MARK3: variants seen among roughly 807,000 people sequenced by gnomAD.
MARK3 encodes microtubule affinity regulating kinase 3, also known as MAP/microtubule affinity-regulating kinase 3.
MARK3 carries 46 observed loss-of-function variants against 90.1 expected under a neutral mutation model. The observed-to-expected ratio is 0.51, with a 90% CI of 0.40 to 0.65. The LOEUF (loss-of-function observed/expected upper bound fraction) is 0.65, where lower values mean the gene tolerates loss of function less well. Ranked by LOEUF, MARK3 falls within the 30% of genes least tolerant of loss-of-function variation. The probability of loss-of-function intolerance (pLI) is 0.00; values close to 1 mark genes in which losing one functional copy is unlikely to be tolerated. For synonymous variants in MARK3, 321 were observed against 332.6 expected (o/e 0.97, Z 0.38); for missense variants, 818 against 947.2 (o/e 0.86, Z 1.79).
At chr14:103,395,161 A>G (rs2090500891) in intron 1 of MARK3, among the ~76,000 whole-genome samples, 1 of 152,196 alleles carries the variant, frequency 6.6e-6, no homozygotes, top group African/African-American at 2.4e-5. Context: ...TGAGAGTCTA[A>G]GACTGATCGA....
intron 11 of MARK3, 125 bp from the exon 12 acceptor site, chr14:103,467,908 T>C (rs542112474): frequency 1.1e-6 from 1 of 904,756 alleles, no homozygotes; most frequent in South Asian, 2.1e-5. Context: ...TTTTTGTACG[T>C]TGTGATTCCT....
intron 3 of MARK3, among the ~76,000 whole-genome samples, chr14:103,442,975 G>A (rs34748852): frequency 1.4e-5 from 2 of 144,378 alleles, no homozygotes; most frequent in African/African-American, 2.7e-5. Flanking sequence ...GAAGTGAGAA[G>A]AGAGGCAATG....
chr14:103,421,942 T>G (rs936291432), intron 2 of MARK3, among the ~76,000 whole-genome samples: 1 of 152,142 alleles, frequency 6.6e-6, no homozygotes, highest in Non-Finnish European at 1.5e-5. Flanking sequence ...GTTTAAAGAG[T>G]CAAGACTTGT....
intron 11 of MARK3, chr14:103,467,764 C>T (rs923128509): frequency 2.6e-5 from 6 of 227,782 alleles, no homozygotes; most frequent in East Asian, 1.0e-4. Flanking sequence ...TTAGAAATGA[C>T]GTAAAGCATC....
intron 2 of MARK3, among the ~76,000 whole-genome samples, chr14:103,423,932 G>A (rs1029405112): frequency 2.0e-5 from 3 of 152,218 alleles, no homozygotes; most frequent in Non-Finnish European, 4.4e-5. Flanking sequence ...CAGTCCGGGC[G>A]CGATGGCTCA....
chr14:103,426,891 TAAA>T (rs59517015), intron 2 of MARK3, among the ~76,000 whole-genome samples: 41,355 of 149,296 alleles, frequency 0.28, 6,667 homozygotes, highest in Non-Finnish European at 0.35. Context: ...CTTTTCTATT[TAAA>T]AAAAAAAAAA....
At chr14:103,434,269 G>T (rs991321347) in intron 3 of MARK3, among the ~76,000 whole-genome samples, 1 of 152,150 alleles carries the variant, frequency 6.6e-6, no homozygotes, top group African/African-American at 2.4e-5. Flanking sequence ...TAACCAAGTT[G>T]TCCGCTCTAC....
rs145072865 is a variant in MARK3 at position 103,471,505 on chromosome 14, C to CT, written c.1264+3324dup. On this transcript the variant is annotated intron_variant, in intron 12 of 17. Transcript: ENST00000429436. The stretch of plus-strand genomic sequence containing the variant: ...CCACTGAAGCACCTCATTGGAGTAG[C>CT]TTTTTCATAATCCTCATCTTTCTTG... Among the ~76,000 whole-genome samples the CT allele has an allele frequency of 5.4e-3, 820 of 152,306 alleles. 5 individuals carry two copies. The highest frequency in any genetic ancestry group is 0.019 in the African/African-American group (785 of 41,556).
chr14:103,491,705 A>G, intron 14 of MARK3, 72 bp from the exon 15 acceptor site: 1 of 1,514,960 alleles, frequency 6.6e-7, no homozygotes, highest in Non-Finnish European at 9.0e-7. Context: ...TCCACTGTGT[A>G]TAAAAGGTAT....
At chr14:103,415,161 A>AAAAG (rs2091889205) in intron 2 of MARK3, among the ~76,000 whole-genome samples, 2 of 150,552 alleles carry the variant, frequency 1.3e-5, no homozygotes, top group East Asian at 3.9e-4. Context: ...AAAAAAAAAA[A>AAAAG]AAAAAAAAAA....
chr14:103,493,885 A>C (rs2075160293), intron 15 of MARK3, among the ~76,000 whole-genome samples: 1 of 151,444 alleles, frequency 6.6e-6, no homozygotes, highest in South Asian at 2.1e-4. Flanking sequence ...AAAAAAAAAA[A>C]AAAAAAAACT....
chr14:103,422,844 A>G (rs12885234), intron 2 of MARK3, among the ~76,000 whole-genome samples: 43,515 of 152,066 alleles, frequency 0.29, 7,326 homozygotes, highest in Non-Finnish European at 0.36. Context: ...CTTGGCCTCC[A>G]TTTGCTATGG....
intron 2 of MARK3, chr14:103,411,985 T>A: frequency 3.6e-6 from 1 of 280,166 alleles, no homozygotes; most frequent in Non-Finnish European, 6.6e-6. Flanking sequence ...CTCTTCCACA[T>A]GAATTTTAGA....
intron 2 of MARK3, among the ~76,000 whole-genome samples, chr14:103,414,727 TGG>T (rs2091860982): frequency 6.6e-6 from 1 of 152,170 alleles, no homozygotes; most frequent in Admixed American, 6.5e-5. Context: ...CTGCTATCCT[TGG>T]GGTAAGAACA....
rs551233537 is a variant in MARK3 at position 103,454,133 on chromosome 14, T to TGCTGA, written c.412+2159_412+2163dup. ...GCCATGTGACCTGGCAAGTAACATGTGCTGAGCTGAGCTTCACGGTGAGCA... is the reference window on the plus strand; with the variant it reads ...GCCATGTGACCTGGCAAGTAACATGTGCTGAGCTGAGCTGAGCTTCACGGTGAGCA... On this transcript the variant is annotated intron_variant, in intron 5 of 17. Coordinates refer to ENST00000429436, the MANE Select transcript of MARK3 (RefSeq NM_001128918.3). 9.2e-4 allele frequency among the ~76,000 whole-genome samples: 140 copies of TGCTGA among 152,244 alleles called. 2 individuals are homozygous for TGCTGA. The highest frequency in any genetic ancestry group is 3.3e-3 in the African/African-American group (138 of 41,538).
intron 3 of MARK3, among the ~76,000 whole-genome samples, chr14:103,448,637 C>G (rs1421026028): frequency 6.6e-6 from 1 of 152,116 alleles, no homozygotes; most frequent in African/African-American, 2.4e-5. Flanking sequence ...CTTATGTTTT[C>G]AAGATAGCAT....
chr14:103,498,645 G>T, intron 16 of MARK3, 117 bp downstream of exon 16: 1 of 971,594 alleles, frequency 1.0e-6, no homozygotes. Context: ...ACTTTCTGCT[G>T]ATAACTAAAT....
At position 103,405,186 on chromosome 14, in the gene MARK3, A is replaced by G. The variant is rs531123922; in HGVS notation, c.162A>G (p.Gly54=). 2 of 1,602,154 alleles carry G rather than the reference A, an allele frequency of 1.2e-6. No homozygotes were observed. Among genetic ancestry groups the G allele is most frequent in the Admixed American group, 1.8e-5 (1 of 56,062 alleles). ...ASCADEQPHI[G]NYRLLKTIGK... The stretch of plus-strand genomic sequence containing the variant: ...GTGCAGATGAACAACCTCACATCGG[A>G]AACTACAGACTGTTGAAAACAATCG... The change falls in exon 2 of 18, where the codon GGA becomes GGG. Residue 54 remains glycine (G), a synonymous_variant. Coordinates refer to ENST00000429436, the MANE Select transcript of MARK3 (RefSeq NM_001128918.3).
chr14:103,441,769 T>C (rs1180571059), intron 3 of MARK3, among the ~76,000 whole-genome samples: 2 of 152,254 alleles, frequency 1.3e-5, no homozygotes, highest in East Asian at 3.8e-4. Flanking sequence ...CTTTCTTTGC[T>C]GATCTGCATC....
Sources: allele counts gnomAD v4.1 joint callset (sites outside exome capture counted in the v4.1 genomes callset), GRCh38; gene constraint gnomAD v4.1.1; transcripts MANE v1.5; gene names NCBI Gene and HGNC (gene_info 2026-07-23, HGNC 2026-07-21).